The following CSMD3 variants were observed in gnomAD, a reference collection of about 807,000 sequenced individuals.
CSMD3 encodes the protein CUB and sushi domain-containing protein 3.
In CSMD3, 177 loss-of-function variants were observed where a neutral mutation model predicts 435.2. The observed-to-expected ratio is 0.41, with a 90% CI of 0.36 to 0.46. The LOEUF (loss-of-function observed/expected upper bound fraction) is 0.46. Ranked by LOEUF, CSMD3 falls within the 20% of genes least tolerant of loss-of-function variation. The probability of loss-of-function intolerance (pLI) is 0.34; values close to 1 mark genes in which losing one functional copy is unlikely to be tolerated. For missense variants in CSMD3, 4,265 were observed against 4,504.6 expected (o/e 0.95, Z 1.52); for synonymous variants, 1,656 against 1,520.5 (o/e 1.09, Z -2.07).
At chr8:113,174,059 A>G (rs559565237) in intron 3 of CSMD3, 143 bp from the exon 4 acceptor site, 19 of 678,386 alleles carry the variant, frequency 2.8e-5, no homozygotes, top group Middle Eastern at 4.0e-4. Context: ...TTCTATTCCA[A>G]TACATGTGAC....
At chr8:112,792,318 G>T (rs1157880186) in intron 13 of CSMD3, among the ~76,000 whole-genome samples, 1 of 152,038 alleles carries the variant, frequency 6.6e-6, no homozygotes, top group Admixed American at 6.6e-5. Flanking sequence ...CAAGATCAGG[G>T]TGCCAGAATA....
At chr8:112,955,434 T>A in intron 7 of CSMD3, among the ~76,000 whole-genome samples, 1 of 151,726 alleles carries the variant, frequency 6.6e-6, no homozygotes, top group East Asian at 1.9e-4. Flanking sequence ...TAGGATATTT[T>A]GATATAAGCA....
intron 13 of CSMD3, among the ~76,000 whole-genome samples, chr8:112,731,629 G>A (rs2077076732): frequency 1.3e-5 from 2 of 152,030 alleles, no homozygotes; most frequent in Admixed American, 6.6e-5. Context: ...TTATAGTACT[G>A]TAGGGTAATA....
intron 3 of CSMD3, among the ~76,000 whole-genome samples, chr8:113,231,704 G>T (rs1236991522): frequency 6.6e-6 from 1 of 151,470 alleles, no homozygotes; most frequent in Non-Finnish European, 1.5e-5. Flanking sequence ...CTGACAGGCA[G>T]AGATAGATAT....
At chr8:112,597,221 A>T (rs1249477983) in intron 22 of CSMD3, among the ~76,000 whole-genome samples, 160 of 152,028 alleles carry the variant, frequency 1.1e-3, no homozygotes, top group African/African-American at 3.6e-3. Context: ...AACTACCATC[A>T]GAGAATACTA....
intron 1 of CSMD3, among the ~76,000 whole-genome samples, chr8:113,394,159 T>TACACACACACAC (rs3080772): frequency 8.7e-5 from 12 of 137,242 alleles, no homozygotes; most frequent in East Asian, 4.9e-4. Flanking sequence ...TTTGTTGAAT[T>TACACACACACAC]ACACACACAC....
intron 2 of CSMD3, chr8:113,311,627 C>T (rs2093869712): frequency 6.6e-6 from 1 of 152,020 alleles, no homozygotes; most frequent in Admixed American, 6.6e-5. Context: ...CAGCCAGACG[C>T]AAATATGAAT....
chr8:112,469,890 AAG>A (rs1818352594), intron 32 of CSMD3, among the ~76,000 whole-genome samples: 1 of 152,234 alleles, frequency 6.6e-6, no homozygotes, highest in African/African-American at 2.4e-5. Flanking sequence ...ATGACAGAAA[AAG>A]AAAAAAATGT....
chr8:112,913,506 G>A (rs1207057179), intron 10 of CSMD3, among the ~76,000 whole-genome samples: 1 of 151,714 alleles, frequency 6.6e-6, no homozygotes, highest in Non-Finnish European at 1.5e-5. Context: ...TTTTTGTATA[G>A]CTCTTAGCAT....
intron 10 of CSMD3, among the ~76,000 whole-genome samples, chr8:112,902,351 G>A (rs1246085913): frequency 6.6e-6 from 1 of 151,212 alleles, no homozygotes; most frequent in East Asian, 2.0e-4. Context: ...AAGGGGAGGA[G>A]GGTTCAAGGC....
At chr8:113,204,384 A>G (rs1029424355) in intron 3 of CSMD3, among the ~76,000 whole-genome samples, 3 of 152,190 alleles carry the variant, frequency 2.0e-5, no homozygotes, top group East Asian at 1.9e-4. Flanking sequence ...AATAAGGTAC[A>G]TATGTTTTCT....
At chr8:112,269,449 G>A (rs1000396450) in intron 59 of CSMD3, among the ~76,000 whole-genome samples, 1 of 152,148 alleles carries the variant, frequency 6.6e-6, no homozygotes, top group Admixed American at 6.6e-5. Flanking sequence ...AGTCCAGTCA[G>A]TTTTCTAAAA....
chr8:112,949,129 A>T (rs1159504875), intron 8 of CSMD3, among the ~76,000 whole-genome samples: 1 of 152,018 alleles, frequency 6.6e-6, no homozygotes, highest in African/African-American at 2.4e-5. Context: ...ATTGAGAACC[A>T]CTGGACTGCT....
chr8:112,953,133 C>T lies in CSMD3; in HGVS notation c.1420+1551G>A, dbSNP rs142808605. 8.3e-3 allele frequency among the ~76,000 whole-genome samples: 1,254 copies of T among 151,330 alleles called. 17 individuals are homozygous for T. Among genetic ancestry groups the T allele is most frequent in the African/African-American group, 0.028 (1,178 of 41,406 alleles). On this transcript the variant is annotated intron_variant, in intron 8 of 70. Transcript: ENST00000297405. The stretch of plus-strand genomic sequence containing the variant: ...GTAGACAAATTGAGAAGAGGGTAAG[C>T]CATTCTAATACGCTGTAATTCTACT...
At chr8:112,451,438 A>G (rs73328636) in intron 32 of CSMD3, among the ~76,000 whole-genome samples, 44 of 152,312 alleles carry the variant, frequency 2.9e-4, no homozygotes, top group African/African-American at 1.1e-3. Flanking sequence ...ATGATTTAAA[A>G]GTAAAAGTTT....
chr8:112,905,073 C>G (rs991004342), intron 10 of CSMD3, among the ~76,000 whole-genome samples: 1 of 151,268 alleles, frequency 6.6e-6, no homozygotes, highest in South Asian at 2.1e-4. Flanking sequence ...TGGGAATTCT[C>G]ATAAGAAAAT....
intron 42 of CSMD3, 83 bp downstream of exon 42, chr8:112,341,394 C>A: frequency 2.9e-5 from 25 of 876,568 alleles, no homozygotes; most frequent in Non-Finnish European, 2.7e-5. Flanking sequence ...AAACAGAATA[C>A]AGAAAATAAT....
intron 6 of CSMD3, among the ~76,000 whole-genome samples, chr8:113,008,411 C>T (rs778013532): frequency 5.9e-5 from 9 of 151,814 alleles, no homozygotes; most frequent in Non-Finnish European, 1.3e-4. Flanking sequence ...CTAGCACTAG[C>T]TTAGCTGCCA....
Position 113,140,365 on chromosome 8 carries a change from C to A in CSMD3, c.709+33357G>T, listed in dbSNP as rs559573601. 8.8e-4 allele frequency among the ~76,000 whole-genome samples: 132 copies of A among 150,486 alleles called. 1 individual carries two copies. Among genetic ancestry groups the A allele is most frequent in the Middle Eastern group, 3.4e-3 (1 of 294 alleles). ...CTGATAGAGCAACTAGATGGAAAAT[C>A]AATAAGAATATGGAACAACTCAGTA... On this transcript the variant is annotated intron_variant, in intron 4 of 70. Transcript: ENST00000297405.
Sources: gnomAD v4.1 joint callset for allele counts (sites outside exome capture counted in the v4.1 genomes callset) on GRCh38, gnomAD v4.1.1 for gene constraint, MANE v1.5 for transcripts, NCBI Gene and HGNC (gene_info 2026-07-23, HGNC 2026-07-21) for gene names.